The following EPB41L4A variants were observed in gnomAD, a reference collection of about 807,000 sequenced individuals.
EPB41L4A encodes the protein erythrocyte membrane protein band 4.1 like 4A, also known as band 4.1-like protein 4A.
EPB41L4A carries 100 observed loss-of-function variants against 108.6 expected under a neutral mutation model. That is an observed-to-expected ratio of 0.92 (90% CI 0.78 to 1.09). The LOEUF (loss-of-function observed/expected upper bound fraction) is 1.09. Ranked by LOEUF, EPB41L4A falls within the 50% of genes least tolerant of loss-of-function variation. The pLI is 0.00. For missense variants in EPB41L4A, 1,030 were observed against 842.7 expected, an observed-to-expected ratio of 1.22 and a Z score of -2.75; for synonymous variants, 319 against 289.0, an observed-to-expected ratio of 1.10 and a Z score of -1.05.
Position 112,170,350 on chromosome 5 carries a change from A to G in EPB41L4A, c.1690T>C (p.Ser564Pro). The G allele has an allele frequency of 1.2e-6, 2 of 1,611,934 alleles. No homozygotes were observed. Among genetic ancestry groups the G allele is most frequent in the Non-Finnish European group, 1.7e-6 (2 of 1,178,286 alleles). ...KHIQKELVDP[S>P]GLSEEQLKEI... The stretch of plus-strand genomic sequence containing the variant: ...TTTAATTGTTCTTCGGACAATCCGG[A>G]TGGATCCACAAGTTCTTTTCTGTAA... The change falls in exon 20 of 23, where the codon TCC becomes CCC. Residue 564 changes from serine (S) to proline (P), a missense_variant. Ser to Pro is a moderately conservative substitution (Grantham distance 74). Transcript: ENST00000261486.
intron 12 of EPB41L4A, among the ~76,000 whole-genome samples, chr5:112,146,339 T>C (rs1321849582): frequency 6.6e-6 from 1 of 152,202 alleles, no homozygotes; most frequent in African/African-American, 2.4e-5. Flanking sequence ...TCTCTTTCAG[T>C]GGCTAAAACC....
At chr5:112,226,225 T>A (rs567581501) in intron 12 of EPB41L4A, among the ~76,000 whole-genome samples, 1 of 152,360 alleles carries the variant, frequency 6.6e-6, no homozygotes, top group Admixed American at 6.5e-5. Flanking sequence ...TAGTTTCCAG[T>A]CTCTGTGATG....
Position 112,234,724 on chromosome 5 carries a change from G to C in EPB41L4A, c.997C>G (p.Leu333Val), listed in dbSNP as rs1278593915. 21 of 1,612,258 alleles carry C rather than the reference G, an allele frequency of 1.3e-5. No homozygotes were observed. Among genetic ancestry groups the C allele is most frequent in the Non-Finnish European group, 1.6e-5 (19 of 1,178,820 alleles). Residue 333 changes from leucine (L) to valine (V), a missense_variant, in exon 12 of 23, where the codon CTT becomes GTT. By Grantham distance (32) the Leu-to-Val change is conservative. Transcript: ENST00000261486. Reference sequence around the variant, plus strand: ...TCAGGCCGGGGAAGCTGAATAGAAAGATCTCGGCTCATTTGCAAAGCTGTC... The same window carrying C: ...TCAGGCCGGGGAAGCTGAATAGAAACATCTCGGCTCATTTGCAAAGCTGTC... ...GRTALQMSRD[L>V]SIQLPRPDQN...
chr5:112,265,958 G>T lies in EPB41L4A; in HGVS notation c.433+275C>A, dbSNP rs530301976. On this transcript the variant is annotated intron_variant, in intron 5 of 22. Transcript: ENST00000261486. ...AATCAATAAACTCAGATGAGATGTA[G>T]ATAGAACAGATTGTTAGACCCTCCA... Among the ~76,000 whole-genome samples, 6 of 152,282 alleles carry T rather than the reference G, an allele frequency of 3.9e-5. No individual in the cohort carries two copies. The South Asian group carries it at 1.2e-3, about 32-fold the overall frequency.
At chr5:112,184,580 A>G (rs952785812) in intron 17 of EPB41L4A, among the ~76,000 whole-genome samples, 1 of 152,260 alleles carries the variant, frequency 6.6e-6, no homozygotes, top group Non-Finnish European at 1.5e-5. Context: ...TTTCATTAAA[A>G]ATAGGTGCCA....
At chr5:112,339,505 TATATAG>T (rs1464990769) in intron 1 of EPB41L4A, among the ~76,000 whole-genome samples, 1 of 40,740 alleles carries the variant, frequency 2.5e-5, no homozygotes, top group African/African-American at 9.4e-5. Flanking sequence ...TCTATATATA[TATATAG>T]ATATATAGAT....
intron 1 of EPB41L4A, among the ~76,000 whole-genome samples, chr5:112,324,621 G>A (rs1392822220): frequency 1.3e-5 from 2 of 151,718 alleles, no homozygotes; most frequent in African/African-American, 4.8e-5. Context: ...GACTCGGGAG[G>A]CTGAGGCAGG....
At chr5:112,206,544 C>CTTT (rs1262738332) in intron 13 of EPB41L4A, among the ~76,000 whole-genome samples, 1 of 151,920 alleles carries the variant, frequency 6.6e-6, no homozygotes, top group Non-Finnish European at 1.5e-5. Context: ...AAAAGCTTAC[C>CTTT]TTTTGAAATG....
At chr5:112,417,488 G>GT (rs906266626) in intron 1 of EPB41L4A, among the ~76,000 whole-genome samples, 1 of 152,144 alleles carries the variant, frequency 6.6e-6, no homozygotes, top group Non-Finnish European at 1.5e-5. Context: ...AATTTAGGAT[G>GT]TTTTTGTGAT....
intron 17 of EPB41L4A, among the ~76,000 whole-genome samples, chr5:112,188,413 T>C (rs1761528433): frequency 6.6e-6 from 1 of 152,168 alleles, no homozygotes; most frequent in South Asian, 2.1e-4. Flanking sequence ...ACTACTACAA[T>C]GGGCTACCTC....
rs187603053 is a variant in EPB41L4A, at chr5:112,145,342, A to C, written n.1112+539T>G. On this transcript the variant is annotated intron_variant and non_coding_transcript_variant, in intron 13 of 13. Coordinates refer to the EPB41L4A transcript ENST00000507810. ...AGATTTTATGTAAAATCTCTTCTGC[A>C]CCACCATTTTAGAGATCTTACTTGA... 6.8e-4 allele frequency among the ~76,000 whole-genome samples: 103 copies of C among 152,344 alleles called. No individual in the cohort carries two copies. In the East Asian group the frequency reaches 0.019, roughly 29 times the overall value.
intron 4 of EPB41L4A, among the ~76,000 whole-genome samples, chr5:112,268,943 G>T (rs747387905): frequency 6.7e-6 from 1 of 149,482 alleles, no homozygotes; most frequent in Non-Finnish European, 1.5e-5. Context: ...AAGACAAAAG[G>T]AAAGAGGAAC....
At chr5:112,382,631 C>A (rs1243105431) in intron 1 of EPB41L4A, among the ~76,000 whole-genome samples, 1 of 152,062 alleles carries the variant, frequency 6.6e-6, no homozygotes, top group Non-Finnish European at 1.5e-5. Context: ...TTGTTTTGGT[C>A]TTTGGAGGAT....
chr5:112,183,157 G>A (rs1580383920), intron 18 of EPB41L4A, among the ~76,000 whole-genome samples: 1 of 152,118 alleles, frequency 6.6e-6, no homozygotes, highest in East Asian at 1.9e-4. Flanking sequence ...ACCTGATGTG[G>A]CACTCACAGC....
chr5:112,240,685 T>G (rs770005174), intron 10 of EPB41L4A, 34 bp downstream of exon 10: 2 of 1,204,104 alleles, frequency 1.7e-6, no homozygotes, highest in Non-Finnish European at 1.2e-6. Context: ...TTTCATTTAT[T>G]AAGACAACAA....
chr5:112,170,878 G>C, intron 19 of EPB41L4A, 67 bp downstream of exon 19: 1 of 1,422,730 alleles, frequency 7.0e-7, no homozygotes, highest in Non-Finnish European at 9.9e-7. Flanking sequence ...AGTATCAGGA[G>C]TCTTCCTTGC....
At chr5:112,279,860 C>G (rs1328962381) in intron 3 of EPB41L4A, among the ~76,000 whole-genome samples, 2 of 152,106 alleles carry the variant, frequency 1.3e-5, no homozygotes, top group African/African-American at 4.8e-5. Flanking sequence ...ACTGAGTGGT[C>G]TGAATGGCAA....
chr5:112,419,105 C>T lies in EPB41L4A; in HGVS notation c.-66G>A. The T allele has an allele frequency of 8.1e-7, 1 of 1,239,882 alleles. No homozygotes were observed. The highest frequency in any genetic ancestry group is 1.2e-5 in the South Asian group (1 of 82,198). 76.8% of individuals were successfully genotyped at this position (1,239,882 alleles called of 1,614,324 possible). On this transcript the variant is annotated 5_prime_UTR_variant, in exon 1 of 23. The change creates a new upstream start codon in the 5' untranslated region. Transcript: ENST00000261486. ...CCGAGGCGCCCAGCCGCCCCCTCCA[C>T]TCAAGCGCGATGCATTAATTTATTG...
chr5:112,375,345 A>G (rs1342974827), intron 1 of EPB41L4A, among the ~76,000 whole-genome samples: 3 of 150,562 alleles, frequency 2.0e-5, no homozygotes, highest in African/African-American at 7.4e-5. Flanking sequence ...ATACACACAC[A>G]CACACACACA....
Sources: gnomAD v4.1 joint callset for allele counts (sites outside exome capture counted in the v4.1 genomes callset) on GRCh38, gnomAD v4.1.1 for gene constraint, MANE v1.5 for transcripts, NCBI Gene and HGNC (gene_info 2026-07-23, HGNC 2026-07-21) for gene names.